Variants in DIAPH2 observed in about 807,000 individuals in gnomAD.
DIAPH2 encodes protein diaphanous homolog 2.
A neutral mutation model predicts 92.7 loss-of-function variants in DIAPH2; 35 were observed. The observed-to-expected ratio is 0.38, with a 90% confidence interval of 0.29 to 0.50. DIAPH2 has a LOEUF of 0.50. DIAPH2 is among the 20% of genes least tolerant of loss of function. The probability of loss-of-function intolerance (pLI) is 0.94; values close to 1 mark genes in which losing one functional copy is unlikely to be tolerated. For missense variants in DIAPH2, 701 were observed against 819.5 expected (o/e 0.86, Z 1.77); for synonymous variants, 301 against 280.4 (o/e 1.07, Z -0.73).
intron 17 of DIAPH2, among the ~76,000 whole-genome samples, chrX:96,984,691 T>C (rs1023197460): frequency 6.3e-5 from 7 of 111,402 alleles, no homozygotes; most frequent in African/African-American, 1.3e-4. Flanking sequence ...TTTTGGTCTG[T>C]GGTCATTCTG....
intron 26 of DIAPH2, among the ~76,000 whole-genome samples, chrX:97,584,224 A>T (rs1423876056): frequency 8.9e-6 from 1 of 112,211 alleles, no homozygotes; most frequent in Non-Finnish European, 1.9e-5. Flanking sequence ...TTAGAGATTG[A>T]CTAGAAAGGA....
At chrX:97,367,029 A>C (rs2069387450) in intron 24 of DIAPH2, among the ~76,000 whole-genome samples, 1 of 111,860 alleles carries the variant, frequency 8.9e-6, no homozygotes, top group Admixed American at 9.5e-5. Context: ...AGTGTTGTAT[A>C]GGAAATAAAA....
At chrX:97,259,335 AG>A (rs2068270770) in intron 23 of DIAPH2, among the ~76,000 whole-genome samples, 1 of 111,733 alleles carries the variant, frequency 8.9e-6, no homozygotes, top group East Asian at 2.8e-4. Context: ...TCAAAAAAAA[AG>A]ATCAAAAATG....
intron 15 of DIAPH2, among the ~76,000 whole-genome samples, chrX:96,949,591 C>G (rs1401756001): frequency 9.3e-6 from 1 of 107,266 alleles, no homozygotes; most frequent in Non-Finnish European, 1.9e-5. Context: ...CGCCTATAAT[C>G]CCAGCACTTT....
intron 22 of DIAPH2, among the ~76,000 whole-genome samples, chrX:97,155,719 C>A (rs745602094): frequency 1.2e-4 from 13 of 111,399 alleles, no homozygotes; most frequent in Non-Finnish European, 2.1e-4. Context: ...AAAACAGACA[C>A]CATTTTTGCA....
At chrX:97,006,729 C>G (rs890265699) in intron 17 of DIAPH2, among the ~76,000 whole-genome samples, 1 of 111,783 alleles carries the variant, frequency 8.9e-6, no homozygotes, top group Non-Finnish European at 1.9e-5. Flanking sequence ...TTTAACCCCT[C>G]TATGTCTTTT....
At chrX:96,934,916 A>G (rs904837912) in intron 10 of DIAPH2, among the ~76,000 whole-genome samples, 6 of 111,771 alleles carry the variant, frequency 5.4e-5, no homozygotes, top group African/African-American at 1.9e-4. Flanking sequence ...GCATACTTTT[A>G]TCTCTTTAAA....
Position 96,815,211 on chromosome X carries a change from G to A in DIAPH2, c.447+56953G>A, listed in dbSNP as rs908814870. On this transcript the variant is annotated intron_variant, in intron 4 of 26. Coordinates refer to ENST00000324765, the MANE Select transcript of DIAPH2 (RefSeq NM_006729.5). ...CTGCCCAGTTTGAGCTTCCCCAGCC[G>A]CTCTGTTTACCTACTCAAGCCTCAG... is the stretch of plus-strand genomic sequence containing the variant. Among the ~76,000 whole-genome samples, 7 of 111,782 alleles carry A rather than the reference G, an allele frequency of 6.3e-5. 1 individual carries two copies. The highest frequency in any genetic ancestry group is 4.7e-3 in the Middle Eastern group (1 of 214).
At chrX:96,835,354 C>T (rs1405296044) in intron 4 of DIAPH2, among the ~76,000 whole-genome samples, 1 of 112,101 alleles carries the variant, frequency 8.9e-6, no homozygotes, top group African/African-American at 3.2e-5. Context: ...CACAGTGCCT[C>T]CTTCCAAATA....
intron 15 of DIAPH2, chrX:96,953,503 C>T: frequency 8.9e-6 from 1 of 111,889 alleles, no homozygotes; most frequent in South Asian, 3.7e-4. Flanking sequence ...TTAATATGAA[C>T]CAACATTGAG....
chrX:97,089,536 ACCATATATTG>A (rs1056376761), intron 19 of DIAPH2, among the ~76,000 whole-genome samples: 18 of 111,277 alleles, frequency 1.6e-4, no homozygotes, highest in African/African-American at 5.2e-4. Context: ...GTATTGGGTC[ACCATATATTG>A]TCATATATGC....
At chrX:97,442,767 GGT>G (rs2070272449) in intron 26 of DIAPH2, 1 of 112,063 alleles carries the variant, frequency 8.9e-6, no homozygotes, top group Non-Finnish European at 1.9e-5. Context: ...CCTTACTCCT[GGT>G]AGTTCCTTTT....
chrX:96,786,012 C>T (rs1484523438), intron 4 of DIAPH2, among the ~76,000 whole-genome samples: 1 of 111,536 alleles, frequency 9.0e-6, no homozygotes, highest in Non-Finnish European at 1.9e-5. Context: ...GGAGAATGTC[C>T]TTGAGGACTA....
chrX:97,532,214 C>T (rs1432230647), intron 26 of DIAPH2, among the ~76,000 whole-genome samples: 1 of 112,853 alleles, frequency 8.9e-6, no homozygotes, highest in Non-Finnish European at 1.9e-5. Context: ...CACAGAAGTA[C>T]ACTTAAATAT....
chrX:97,000,620 T>TACACACACACAC (rs56284459), intron 17 of DIAPH2, among the ~76,000 whole-genome samples: 3 of 99,883 alleles, frequency 3.0e-5, no homozygotes, highest in Non-Finnish European at 4.1e-5. Flanking sequence ...TACAAATGAA[T>TACACACACACAC]ACACACACAC....
chrX:97,255,538 A>G (rs930578802), intron 23 of DIAPH2, among the ~76,000 whole-genome samples: 1 of 111,948 alleles, frequency 8.9e-6, no homozygotes, highest in Non-Finnish European at 1.9e-5. Context: ...AGCCTGTAAC[A>G]ATGCTTTATA....
chrX:97,039,451 A>G (rs2066433758), intron 17 of DIAPH2, among the ~76,000 whole-genome samples: 1 of 111,740 alleles, frequency 8.9e-6, no homozygotes. Flanking sequence ...CGTTGAAACT[A>G]GAATTTCCCT....
intron 22 of DIAPH2, among the ~76,000 whole-genome samples, chrX:97,196,789 GTT>G (rs769690726): frequency 1.0e-5 from 1 of 99,586 alleles, no homozygotes. Flanking sequence ...TTTTTTTTCG[GTT>G]TTTTTTTTTT....
intron 24 of DIAPH2, among the ~76,000 whole-genome samples, chrX:97,372,815 A>C: frequency 9.0e-6 from 1 of 110,772 alleles, no homozygotes; most frequent in Non-Finnish European, 1.9e-5. Context: ...TACTAAAAAA[A>C]ATACAAAAAA....
Sources: allele counts gnomAD v4.1 joint callset (sites outside exome capture counted in the v4.1 genomes callset), GRCh38; gene constraint gnomAD v4.1.1; transcripts MANE v1.5; gene names NCBI Gene and HGNC (gene_info 2026-07-23, HGNC 2026-07-21).